SMYD3: variants seen among roughly 807,000 people sequenced by gnomAD.
SMYD3 encodes the protein SET and MYND domain containing 3.
Under a neutral mutation model 57.7 loss-of-function variants are expected in SMYD3, and 36 were observed. That is an observed-to-expected ratio of 0.62 (90% CI 0.48 to 0.82). The LOEUF is 0.82. Among genes scored for constraint, SMYD3 ranks in the 40% least tolerant of loss-of-function variants. SMYD3 has a pLI of 0.00. For missense variants in SMYD3, 515 were observed against 538.8 expected (o/e 0.96, Z 0.44); for synonymous variants, 211 against 195.0 (o/e 1.08, Z -0.68).
chr1:246,185,507 T>G (rs1168909833), intron 5 of SMYD3, among the ~76,000 whole-genome samples: 3 of 112,238 alleles, frequency 2.7e-5, no homozygotes, highest in East Asian at 2.7e-4. Context: ...CAGGCTGGAG[T>G]GTGGAGTGCA....
intron 5 of SMYD3, among the ~76,000 whole-genome samples, chr1:246,277,866 G>A (rs749580020): frequency 1.1e-4 from 16 of 152,194 alleles, no homozygotes; most frequent in South Asian, 2.1e-4. Flanking sequence ...GCAGCCAGAC[G>A]TGTAGGAGGA....
chr1:246,006,328 G>A (rs1036734716), intron 5 of SMYD3, among the ~76,000 whole-genome samples: 6 of 152,032 alleles, frequency 3.9e-5, no homozygotes, highest in Admixed American at 2.6e-4. Flanking sequence ...GAGGGGCGGC[G>A]GGGGGCGGGA....
chr1:246,325,837 T>C (rs558948493), intron 5 of SMYD3: 1 of 152,376 alleles, frequency 6.6e-6, no homozygotes, highest in Admixed American at 6.5e-5. Context: ...TATATTTTTA[T>C]CTTTCAGTAG....
At chr1:245,958,347 C>T (rs766444177) in intron 5 of SMYD3, among the ~76,000 whole-genome samples, 11 of 152,202 alleles carry the variant, frequency 7.2e-5, no homozygotes, top group Non-Finnish European at 1.3e-4. Flanking sequence ...AATCTGGCCT[C>T]TGCATCCTTT....
intron 10 of SMYD3, among the ~76,000 whole-genome samples, chr1:245,834,356 G>A (rs1030087504): frequency 2.0e-5 from 3 of 152,276 alleles, no homozygotes; most frequent in African/African-American, 2.4e-5. Flanking sequence ...CACGATATCC[G>A]GGAGTAAAAA....
chr1:245,991,379 C>T (rs144696117), intron 5 of SMYD3, among the ~76,000 whole-genome samples: 177 of 152,346 alleles, frequency 1.2e-3, no homozygotes, highest in African/African-American at 4.1e-3. Context: ...AACTAAGCCA[C>T]GTGCATTTGT....
chr1:246,269,775 G>A (rs1426176925), intron 5 of SMYD3, among the ~76,000 whole-genome samples: 4 of 151,964 alleles, frequency 2.6e-5, no homozygotes, highest in African/African-American at 9.7e-5. Flanking sequence ...GTCTTCCTAC[G>A]TTGCCCAGGC....
chr1:246,223,947 A>G (rs1248808588), intron 5 of SMYD3, among the ~76,000 whole-genome samples: 1 of 152,186 alleles, frequency 6.6e-6, no homozygotes, highest in Non-Finnish European at 1.5e-5. Context: ...TTTATAAACT[A>G]AAAAGAACTG....
intron 1 of SMYD3, among the ~76,000 whole-genome samples, chr1:246,478,461 T>C (rs12034193): frequency 0.12 from 9,957 of 80,094 alleles, 1,417 homozygotes; most frequent in Middle Eastern, 0.19. Context: ...ACCTGTCCTC[T>C]GTCCTGGAGC....
At chr1:245,831,027 A>G (rs1572461864) in intron 10 of SMYD3, among the ~76,000 whole-genome samples, 1 of 151,986 alleles carries the variant, frequency 6.6e-6, no homozygotes, top group African/African-American at 2.4e-5. Context: ...CAACAACCTC[A>G]TCCAAACTTC....
chr1:246,180,479 C>T (rs993336955), intron 5 of SMYD3, among the ~76,000 whole-genome samples: 7 of 150,028 alleles, frequency 4.7e-5, no homozygotes, highest in Non-Finnish European at 8.9e-5. Context: ...AGGGTTAGGC[C>T]GGGTGTGGTG....
intron 1 of SMYD3, among the ~76,000 whole-genome samples, chr1:246,459,946 A>G (rs1052926402): frequency 4.0e-5 from 6 of 151,294 alleles, no homozygotes; most frequent in African/African-American, 1.5e-4. Context: ...AAAAGCCACA[A>G]AGAAAGAAGC....
chr1:246,357,091 CTG>C (rs1303151242), intron 1 of SMYD3, among the ~76,000 whole-genome samples: 1 of 152,174 alleles, frequency 6.6e-6, no homozygotes, highest in East Asian at 1.9e-4. Flanking sequence ...TGAGCAGAAA[CTG>C]TCAGAGGCAT....
Position 246,222,489 on chromosome 1 carries a change from A to C in SMYD3, c.531+104712T>G, listed in dbSNP as rs1369884314. ...ACAGCCTCCATTGCCTCATTTGAACACGCAAGCACAGTGAGACCTAACTCA... is the reference window on the plus strand; with the variant it reads ...ACAGCCTCCATTGCCTCATTTGAACCCGCAAGCACAGTGAGACCTAACTCA... On this transcript the variant is annotated intron_variant, in intron 5 of 11. Transcript: ENST00000490107. Among the ~76,000 whole-genome samples, 2 of 152,134 alleles carry C rather than the reference A, an allele frequency of 1.3e-5. 1 individual carries two copies. Among genetic ancestry groups the C allele is most frequent in the Non-Finnish European group, 2.9e-5 (2 of 68,040 alleles).
At chr1:245,915,359 A>C (rs1489869344) in intron 8 of SMYD3, among the ~76,000 whole-genome samples, 171 bp downstream of exon 8, 1 of 152,220 alleles carries the variant, frequency 6.6e-6, no homozygotes, top group Non-Finnish European at 1.5e-5. Context: ...GGTGGGTGAC[A>C]AAAGTTCCAG....
intron 5 of SMYD3, chr1:246,189,089 A>G (rs2062693071): frequency 6.6e-6 from 1 of 152,114 alleles, no homozygotes; most frequent in Non-Finnish European, 1.5e-5. Context: ...GTCTCATTCT[A>G]ATTTTTTAGT....
At chr1:245,799,530 G>A (rs536917674) in intron 10 of SMYD3, among the ~76,000 whole-genome samples, 26 of 152,200 alleles carry the variant, frequency 1.7e-4, no homozygotes, top group Non-Finnish European at 3.1e-4. Context: ...ATGACAAGAA[G>A]TAAATTTAGT....
chr1:245,873,585 C>G (rs2052335593), intron 8 of SMYD3, among the ~76,000 whole-genome samples: 1 of 152,226 alleles, frequency 6.6e-6, no homozygotes. Flanking sequence ...TAATCGGCCA[C>G]ATCTCCATCT....
intron 5 of SMYD3, among the ~76,000 whole-genome samples, chr1:246,174,176 A>G (rs1475333097): frequency 2.0e-5 from 3 of 152,252 alleles, no homozygotes; most frequent in East Asian, 3.9e-4. Context: ...TAGTAAATAT[A>G]TAAACGAGCA....
Sources: gnomAD v4.1 joint callset for allele counts (sites outside exome capture counted in the v4.1 genomes callset) on GRCh38, gnomAD v4.1.1 for gene constraint, MANE v1.5 for transcripts, NCBI Gene and HGNC (gene_info 2026-07-23, HGNC 2026-07-21) for gene names.